Variants in TSC22D1 observed in about 807,000 individuals in gnomAD.
TSC22D1 encodes the protein TSC22 domain family member 1, also known as TSC22 domain family protein 1.
In TSC22D1, 9 loss-of-function variants were observed where a neutral mutation model predicts 74.2. That is an observed-to-expected ratio of 0.12 (90% CI 0.07 to 0.21). The LOEUF (loss-of-function observed/expected upper bound fraction) is 0.21. Among genes scored for constraint, TSC22D1 ranks in the 10% least tolerant of loss-of-function variants. The pLI, the probability that TSC22D1 is intolerant of heterozygous loss-of-function variation, is 1.00. For synonymous variants in TSC22D1, 586 were observed against 492.5 expected, an observed-to-expected ratio of 1.19 and a Z score of -2.51; for missense variants, 1,427 against 1,304.7, an observed-to-expected ratio of 1.09 and a Z score of -1.44.
chr13:44,459,284 C>T (rs1027469139), intron 1 of TSC22D1, among the ~76,000 whole-genome samples: 11 of 152,190 alleles, frequency 7.2e-5, no homozygotes, highest in African/African-American at 2.7e-4. Context: ...AGGAGCTATC[C>T]ACTATGGGTC....
chr13:44,540,407 C>G (rs1039606382), intron 1 of TSC22D1, among the ~76,000 whole-genome samples: 2 of 152,140 alleles, frequency 1.3e-5, no homozygotes, highest in Admixed American at 1.3e-4. Context: ...AATTTCTTCT[C>G]TGAGTTCAAG....
intron 1 of TSC22D1, among the ~76,000 whole-genome samples, chr13:44,529,683 CG>C (rs1431657177): frequency 6.6e-6 from 1 of 151,934 alleles, no homozygotes; most frequent in African/African-American, 2.4e-5. Flanking sequence ...TGTTGAAAAC[CG>C]CAAGGAATCA....
At chr13:44,521,408 T>G (rs1326010587) in intron 1 of TSC22D1, among the ~76,000 whole-genome samples, 1 of 152,100 alleles carries the variant, frequency 6.6e-6, no homozygotes, top group African/African-American at 2.4e-5. Flanking sequence ...CAGCTCATTC[T>G]TACTGTGGCT....
chr13:44,437,212 T>A, intron 1 of TSC22D1: 1 of 985,526 alleles, frequency 1.0e-6, no homozygotes, highest in African/African-American at 1.7e-5. Context: ...CGGAGCTGTG[T>A]CCCGCGGCTG....
At chr13:44,471,424 C>T (rs1236870876) in intron 1 of TSC22D1, among the ~76,000 whole-genome samples, 2 of 152,150 alleles carry the variant, frequency 1.3e-5, no homozygotes, top group African/African-American at 4.8e-5. Context: ...TCACACTTTC[C>T]TTTCTGACAG....
chr13:44,443,968 T>C (rs1875407667), intron 1 of TSC22D1, among the ~76,000 whole-genome samples: 1 of 152,078 alleles, frequency 6.6e-6, no homozygotes, highest in South Asian at 2.1e-4. Context: ...AATACCAAGA[T>C]AGCAGATTTA....
intron 1 of TSC22D1, among the ~76,000 whole-genome samples, chr13:44,499,460 T>C (rs1050858767): frequency 7.9e-5 from 12 of 152,182 alleles, no homozygotes; most frequent in Admixed American, 7.8e-4. Context: ...CACATTAAAG[T>C]GTTTTGTTAA....
intron 1 of TSC22D1, among the ~76,000 whole-genome samples, chr13:44,529,222 A>G (rs1880704016): frequency 6.6e-6 from 1 of 152,078 alleles, no homozygotes; most frequent in Admixed American, 6.5e-5. Context: ...AAAAAATTCT[A>G]CACCATGACC....
chr13:44,538,059 T>C (rs1277080502), intron 1 of TSC22D1: 8 of 985,214 alleles, frequency 8.1e-6, no homozygotes, highest in East Asian at 1.1e-4. Context: ...AATTGACAGC[T>C]TGGATAAATA....
chr13:44,551,039 T>C (rs1417913189), intron 1 of TSC22D1, among the ~76,000 whole-genome samples: 4 of 149,078 alleles, frequency 2.7e-5, no homozygotes, highest in Non-Finnish European at 5.9e-5. Flanking sequence ...CTTGGGGAAA[T>C]TGAGGCTGCA....
chr13:44,479,276 G>T (rs1373036246), intron 1 of TSC22D1, among the ~76,000 whole-genome samples: 1 of 151,638 alleles, frequency 6.6e-6, no homozygotes, highest in African/African-American at 2.4e-5. Flanking sequence ...CTTTGAATGC[G>T]GCCTAACTCG....
At chr13:44,499,625 A>T (rs1411105241) in intron 1 of TSC22D1, among the ~76,000 whole-genome samples, 1 of 152,184 alleles carries the variant, frequency 6.6e-6, no homozygotes, top group Non-Finnish European at 1.5e-5. Context: ...CTGGACCCAA[A>T]GCATTTCCCC....
At chr13:44,527,189 C>A (rs1002693891) in intron 1 of TSC22D1, among the ~76,000 whole-genome samples, 3 of 151,932 alleles carry the variant, frequency 2.0e-5, no homozygotes, top group Non-Finnish European at 4.4e-5. Context: ...GTTAAAAGTT[C>A]TTCTGAAAGA....
intron 1 of TSC22D1, among the ~76,000 whole-genome samples, chr13:44,524,058 A>C (rs921138927): frequency 1.5e-4 from 23 of 152,222 alleles, no homozygotes; most frequent in African/African-American, 5.3e-4. Context: ...GAAATACTAT[A>C]CATAATAAAA....
chr13:44,554,769 A>G lies in TSC22D1; in HGVS notation c.2912+18394T>C, dbSNP rs561024897. Among the ~76,000 whole-genome samples, 466 of 152,254 alleles carry G rather than the reference A, an allele frequency of 3.1e-3. 2 individuals carry two copies. Among genetic ancestry groups the G allele is most frequent in the African/African-American group, 0.011 (441 of 41,562 alleles). On this transcript the variant is annotated intron_variant, in intron 1 of 2. Transcript: ENST00000458659. ...TCGCTGATGCAGGCAATGAGGACAC[A>G]GTGACCCTGACCGCAAACTGCACCA...
chr13:44,548,038 T>A (rs1595155424), intron 1 of TSC22D1, among the ~76,000 whole-genome samples: 1 of 152,336 alleles, frequency 6.6e-6, no homozygotes, highest in East Asian at 1.9e-4. Flanking sequence ...AATATTATTA[T>A]CACAACTTTA....
chr13:44,452,893 C>T (rs1420370379), intron 1 of TSC22D1: 1 of 152,364 alleles, frequency 6.6e-6, no homozygotes, highest in Non-Finnish European at 1.5e-5. Context: ...AAAGGTTTTC[C>T]ATCTTTTTAC....
chr13:44,492,007 C>T (rs149858024), intron 1 of TSC22D1, among the ~76,000 whole-genome samples: 38 of 152,248 alleles, frequency 2.5e-4, no homozygotes, highest in African/African-American at 9.1e-4. Context: ...CTTCACAAAA[C>T]ATAAAAACTG....
chr13:44,475,848 T>C (rs1344646081), intron 1 of TSC22D1, among the ~76,000 whole-genome samples: 1 of 152,082 alleles, frequency 6.6e-6, no homozygotes, highest in African/African-American at 2.4e-5. Context: ...CAAAAAGTCC[T>C]ACAAAGCACT....
Sources: allele counts gnomAD v4.1 joint callset (sites outside exome capture counted in the v4.1 genomes callset), GRCh38; gene constraint gnomAD v4.1.1; transcripts MANE v1.5; gene names NCBI Gene and HGNC (gene_info 2026-07-23, HGNC 2026-07-21).